The following NR3C2 variants were observed in gnomAD, a reference collection of about 807,000 sequenced individuals.
NR3C2 encodes mineralocorticoid receptor.
Under a neutral mutation model 86.4 loss-of-function variants are expected in NR3C2, and 15 were observed. That is an observed-to-expected ratio of 0.17 (90% CI 0.12 to 0.27). NR3C2 has a LOEUF of 0.27. NR3C2 is among the 10% of genes least tolerant of loss of function. The probability of loss-of-function intolerance (pLI) is 1.00; values close to 1 mark genes in which losing one functional copy is unlikely to be tolerated. For synonymous variants in NR3C2, 458 were observed against 450.5 expected, an observed-to-expected ratio of 1.02 and a Z score of -0.21; for missense variants, 960 against 1,195.6, an observed-to-expected ratio of 0.80 and a Z score of 2.91.
intron 2 of NR3C2, among the ~76,000 whole-genome samples, chr4:148,320,482 T>G (rs982283191): frequency 3.7e-5 from 5 of 136,190 alleles, no homozygotes; most frequent in Non-Finnish European, 6.2e-5. Context: ...TCTGGTAGAA[T>G]TCGGCTGTGA....
chr4:148,384,528 C>G (rs528635846), intron 2 of NR3C2, among the ~76,000 whole-genome samples: 1 of 152,174 alleles, frequency 6.6e-6, no homozygotes, highest in South Asian at 2.1e-4. Context: ...ATATCAACAA[C>G]ATATGGTTTT....
rs1737646051 is a variant in NR3C2, at chr4:148,218,226, G to A, written c.1898-23364C>T. Reference sequence around the variant, plus strand: ...CAGTTGATAGCTGTTGCATTAATGAGAACAAATAGAAATAAGATCTTAGTG... The same window carrying A: ...CAGTTGATAGCTGTTGCATTAATGAAAACAAATAGAAATAAGATCTTAGTG... On this transcript the variant is annotated intron_variant, in intron 3 of 8. Coordinates refer to ENST00000358102, the MANE Select transcript of NR3C2 (RefSeq NM_000901.5). Among the ~76,000 whole-genome samples the A allele has an allele frequency of 2.6e-5, 4 of 152,096 alleles. No homozygotes were observed. The South Asian group carries it at 8.3e-4, about 32-fold the overall frequency.
Position 148,426,707 on chromosome 4 carries a change from A to T in NR3C2, c.1757+8397T>A, listed in dbSNP as rs1226927048. 5.3e-5 allele frequency among the ~76,000 whole-genome samples: 8 copies of T among 152,168 alleles called. No individual in the cohort carries two copies. The East Asian group carries it at 1.5e-3, about 29-fold the overall frequency. ...AAACTGTACTTGAGTCACTACATAC[A>T]TTCCCTCCCTGGGTAATATTACTTT... On this transcript the variant is annotated intron_variant, in intron 2 of 8. Coordinates refer to ENST00000358102, the MANE Select transcript of NR3C2 (RefSeq NM_000901.5).
At chr4:148,331,395 C>T (rs947348503) in intron 2 of NR3C2, among the ~76,000 whole-genome samples, 6 of 152,160 alleles carry the variant, frequency 3.9e-5, no homozygotes, top group African/African-American at 1.2e-4. Flanking sequence ...CATAATGGTG[C>T]AGTATAAAGA....
intron 2 of NR3C2, among the ~76,000 whole-genome samples, chr4:148,372,757 T>C (rs370787546): frequency 3.3e-5 from 5 of 152,236 alleles, no homozygotes; most frequent in African/African-American, 1.2e-4. Flanking sequence ...TATTAAGTTA[T>C]AGCATGATTT....
At chr4:148,152,346 G>T in intron 6 of NR3C2, 123 bp downstream of exon 6, 3 of 1,083,422 alleles carry the variant, frequency 2.8e-6, no homozygotes, top group Non-Finnish European at 4.1e-6. Context: ...AATTTTTAAC[G>T]TTAAAAAATG....
At chr4:148,240,879 T>C (rs897235226) in intron 3 of NR3C2, among the ~76,000 whole-genome samples, 1 of 152,222 alleles carries the variant, frequency 6.6e-6, no homozygotes, top group African/African-American at 2.4e-5. Flanking sequence ...TGCTAAGTGC[T>C]GTGCCTGGCC....
chr4:148,113,907 G>A (rs1377042167), intron 8 of NR3C2, among the ~76,000 whole-genome samples, 197 bp downstream of exon 8: 2 of 152,166 alleles, frequency 1.3e-5, no homozygotes, highest in Non-Finnish European at 2.9e-5. Context: ...CTGTATGTAA[G>A]TACCCAATAA....
chr4:148,294,429 G>A (rs926557003), intron 2 of NR3C2, among the ~76,000 whole-genome samples: 16 of 151,970 alleles, frequency 1.1e-4, no homozygotes, highest in African/African-American at 3.6e-4. Context: ...ACATTTATAC[G>A]TTATAGGTTT....
intron 2 of NR3C2, among the ~76,000 whole-genome samples, chr4:148,312,605 C>T (rs1482425861): frequency 6.6e-6 from 1 of 152,098 alleles, no homozygotes; most frequent in Non-Finnish European, 1.5e-5. Context: ...GTGAAAGCCA[C>T]CTGCAAAAGT....
At chr4:148,445,113 G>A (rs1159324336), upstream of NR3C2, 2 of 560,318 alleles carry the variant, frequency 3.6e-6, no homozygotes, top group African/African-American at 4.1e-5. Flanking sequence ...TACGGCCACT[G>A]ACAACCTGGA....
intron 2 of NR3C2, among the ~76,000 whole-genome samples, chr4:148,317,868 TTTTC>T (rs1248912514): frequency 1.1e-4 from 16 of 142,814 alleles, no homozygotes; most frequent in South Asian, 2.2e-4. Flanking sequence ...AGTTAAGCTG[TTTTC>T]TTTTTCTTTT....
At chr4:148,227,354 T>C (rs1219097119) in intron 3 of NR3C2, among the ~76,000 whole-genome samples, 1 of 152,186 alleles carries the variant, frequency 6.6e-6, no homozygotes, top group Non-Finnish European at 1.5e-5. Context: ...CAGTGCACAA[T>C]TCCAGGTGGT....
intron 2 of NR3C2, among the ~76,000 whole-genome samples, chr4:148,284,580 A>G (rs564320961): frequency 6.6e-6 from 1 of 152,300 alleles, no homozygotes; most frequent in African/African-American, 2.4e-5. Flanking sequence ...AAAAACTCCT[A>G]ATCATCCATT....
At position 148,102,939 on chromosome 4, in the gene NR3C2, T is replaced by C. The variant is rs143966498; in HGVS notation, c.2799+11165A>G. Among the ~76,000 whole-genome samples, 190 of 152,252 alleles carry C rather than the reference T, an allele frequency of 1.2e-3. 1 individual carries two copies. The highest frequency in any genetic ancestry group is 3.9e-3 in the African/African-American group (164 of 41,552). ...AGATTCTCTACAGATGTGGTGAAAA[T>C]GCCTCAACAGCTTCCTAGACCTGGC... On this transcript the variant is annotated intron_variant, in intron 8 of 8. Coordinates refer to ENST00000358102, the MANE Select transcript of NR3C2 (RefSeq NM_000901.5).
chr4:148,305,497 A>T (rs1487517910), intron 2 of NR3C2, among the ~76,000 whole-genome samples: 1 of 151,634 alleles, frequency 6.6e-6, no homozygotes, highest in African/African-American at 2.4e-5. Flanking sequence ...TTGCAGAACT[A>T]ATAGAGTCCA....
intron 2 of NR3C2, among the ~76,000 whole-genome samples, chr4:148,319,538 C>A (rs1298893027): frequency 6.7e-6 from 1 of 149,082 alleles, no homozygotes; most frequent in African/African-American, 2.5e-5. Flanking sequence ...TTGTTTGTAT[C>A]CTCTTTTATT....
At chr4:148,218,575 C>G (rs1737669163) in intron 3 of NR3C2, among the ~76,000 whole-genome samples, 1 of 151,960 alleles carries the variant, frequency 6.6e-6, no homozygotes, top group Non-Finnish European at 1.5e-5. Context: ...TTTAAGTGCC[C>G]AATTAGTCAA....
rs72656857 is a variant in NR3C2, at chr4:148,356,379, A to G, written c.1757+78725T>C. 1.9e-3 allele frequency among the ~76,000 whole-genome samples: 294 copies of G among 152,346 alleles called. 3 individuals carry two copies. The highest frequency in any genetic ancestry group is 6.9e-3 in the African/African-American group (288 of 41,590). Reference sequence around the variant, plus strand: ...ACATTATATAAATTGGAAGAAAACTATATGAATGTACAATCAGCAACTTCT... The same window carrying G: ...ACATTATATAAATTGGAAGAAAACTGTATGAATGTACAATCAGCAACTTCT... On this transcript the variant is annotated intron_variant, in intron 2 of 8. Transcript: ENST00000358102.
Sources: gnomAD v4.1 joint callset for allele counts (sites outside exome capture counted in the v4.1 genomes callset) on GRCh38, gnomAD v4.1.1 for gene constraint, MANE v1.5 for transcripts, NCBI Gene and HGNC (gene_info 2026-07-23, HGNC 2026-07-21) for gene names.